Variants in BICC1 observed in about 807,000 individuals in gnomAD.
The protein encoded by BICC1 is protein bicaudal C homolog 1.
A neutral mutation model predicts 111.0 loss-of-function variants in BICC1; 43 were observed. The observed-to-expected ratio is 0.39, with a 90% CI of 0.30 to 0.50. The LOEUF (loss-of-function observed/expected upper bound fraction) is 0.50, where lower values mean the gene tolerates loss of function less well. Ranked by LOEUF, BICC1 falls within the 20% of genes least tolerant of loss-of-function variation. BICC1 has a pLI of 0.88. For synonymous variants in BICC1, 467 were observed against 434.4 expected (o/e 1.07, Z -0.93); for missense variants, 1,091 against 1,203.2 (o/e 0.91, Z 1.38).
chr10:58,551,956 G>GT (rs35454963), intron 1 of BICC1, among the ~76,000 whole-genome samples: 68 of 112,812 alleles, frequency 6.0e-4, no homozygotes, highest in African/African-American at 2.1e-3. Context: ...ATAAAGACAA[G>GT]TTTTTTTTGG....
intron 3 of BICC1, among the ~76,000 whole-genome samples, chr10:58,763,366 A>G (rs1413478525): frequency 6.6e-6 from 1 of 152,222 alleles, no homozygotes. Flanking sequence ...GAGTATAGCC[A>G]TAGCCCTGAG....
At position 58,822,854 on chromosome 10, in the gene BICC1, A is replaced by G. The variant is rs932072536; in HGVS notation, c.2794+2386A>G. Among the ~76,000 whole-genome samples, 54 of 152,092 alleles carry G rather than the reference A, an allele frequency of 3.6e-4. 1 individual carries two copies. Among genetic ancestry groups the G allele is most frequent in the African/African-American group, 1.3e-3 (52 of 41,426 alleles). ...GGCAGTCTGAACTCACATTTGTCTT[A>G]TGGTTATAGATTGGTTAGGTCCAGA... On this transcript the variant is annotated intron_variant, in intron 20 of 20. Transcript: ENST00000373886.
chr10:58,518,870 T>A (rs1386254570), intron 1 of BICC1, among the ~76,000 whole-genome samples: 3 of 152,160 alleles, frequency 2.0e-5, no homozygotes, highest in Non-Finnish European at 2.9e-5. Context: ...CTCACGGGCA[T>A]GGAGCAAGCA....
chr10:58,775,707 G>A (rs1842732835), intron 3 of BICC1, among the ~76,000 whole-genome samples: 1 of 152,208 alleles, frequency 6.6e-6, no homozygotes, highest in South Asian at 2.1e-4. Flanking sequence ...TATTGTGCCA[G>A]TATATGTGGC....
intron 3 of BICC1, among the ~76,000 whole-genome samples, chr10:58,729,794 A>G (rs929385877): frequency 6.6e-6 from 1 of 152,182 alleles, no homozygotes; most frequent in Non-Finnish European, 1.5e-5. Context: ...TTCACTCACT[A>G]TTGTGACGAC....
intron 3 of BICC1, among the ~76,000 whole-genome samples, chr10:58,718,782 G>A (rs1205763684): frequency 1.4e-4 from 20 of 147,284 alleles, no homozygotes; most frequent in South Asian, 6.2e-4. Flanking sequence ...GCGCGTGCGC[G>A]CGTGCGCACG....
intron 20 of BICC1, chr10:58,823,426 C>A (rs1844307852): frequency 4.1e-6 from 4 of 983,658 alleles, no homozygotes; most frequent in African/African-American, 1.7e-5. Flanking sequence ...ACCTTGATAA[C>A]CTCTCTGGAA....
intron 3 of BICC1, among the ~76,000 whole-genome samples, chr10:58,746,211 C>T (rs1466629105): frequency 2.6e-5 from 4 of 152,090 alleles, no homozygotes; most frequent in African/African-American, 9.7e-5. Context: ...CCTACTGAAA[C>T]TTTATTTTGC....
At chr10:58,749,426 TATTC>T (rs1218620465) in intron 3 of BICC1, among the ~76,000 whole-genome samples, 4 of 152,184 alleles carry the variant, frequency 2.6e-5, no homozygotes, top group African/African-American at 9.7e-5. Context: ...TTCATATTGA[TATTC>T]AGTCTGTCTC....
rs369676894 is a variant in BICC1, at chr10:58,648,587, C to G, written c.237+27686C>G. ...GGGAACAATGGTATGTTTAGTGCCT[C>G]TCTCTCTCTCTTTCTCTCTCTCTTT... is the stretch of plus-strand genomic sequence containing the variant. On this transcript the variant is annotated intron_variant, in intron 2 of 20. Transcript: ENST00000373886. 4.0e-5 allele frequency: 39 copies of G among 983,372 alleles called. No individual in the cohort carries two copies. The East Asian group carries it at 1.7e-3, about 43-fold the overall frequency. The allele number at this position is 983,372 out of a possible 1,614,324, so 60.9% of individuals were successfully genotyped here.
At chr10:58,614,971 C>T (rs1313077745) in intron 1 of BICC1, among the ~76,000 whole-genome samples, 1 of 151,794 alleles carries the variant, frequency 6.6e-6, no homozygotes, top group Non-Finnish European at 1.5e-5. Context: ...ATCTCCATGT[C>T]CTTATCTGCT....
chr10:58,635,977 A>G (rs1837941641), intron 2 of BICC1, among the ~76,000 whole-genome samples: 1 of 151,982 alleles, frequency 6.6e-6, no homozygotes, highest in South Asian at 2.1e-4. Context: ...CTTTGTTTGG[A>G]TTTTCTTAGA....
At chr10:58,781,747 A>G (rs1362412199) in intron 3 of BICC1, among the ~76,000 whole-genome samples, 1 of 152,236 alleles carries the variant, frequency 6.6e-6, no homozygotes, top group East Asian at 1.9e-4. Context: ...GTTAACAGTC[A>G]TTGAAAAACA....
intron 1 of BICC1, among the ~76,000 whole-genome samples, chr10:58,611,814 A>G (rs1431257132): frequency 6.6e-6 from 1 of 152,168 alleles, no homozygotes; most frequent in African/African-American, 2.4e-5. Context: ...TATACTTTAA[A>G]AAACCAAGTT....
intron 1 of BICC1, among the ~76,000 whole-genome samples, chr10:58,577,038 A>G (rs539571928): frequency 6.6e-6 from 1 of 152,282 alleles, no homozygotes; most frequent in East Asian, 1.9e-4. Flanking sequence ...CCAGAGGCAG[A>G]GGGGGCTCTC....
At chr10:58,755,953 C>T (rs950785696) in intron 3 of BICC1, among the ~76,000 whole-genome samples, 9 of 152,148 alleles carry the variant, frequency 5.9e-5, no homozygotes, top group East Asian at 3.9e-4. Context: ...TCTGCTCCTG[C>T]GTGTTCTATG....
intron 1 of BICC1, among the ~76,000 whole-genome samples, chr10:58,531,956 G>A (rs1425721807): frequency 2.8e-4 from 43 of 151,742 alleles, no homozygotes; most frequent in Admixed American, 2.8e-3. Flanking sequence ...ATCAATATAT[G>A]CATTACATGA....
chr10:58,523,993 G>A lies in BICC1; in HGVS notation c.190+10660G>A, dbSNP rs200247035. Among the ~76,000 whole-genome samples, 204 of 152,090 alleles carry A rather than the reference G, an allele frequency of 1.3e-3. 5 individuals are homozygous for A. The East Asian group carries it at 0.035, about 26-fold the overall frequency. On this transcript the variant is annotated intron_variant, in intron 1 of 20. Transcript: ENST00000373886. ...AAATACCTAGGAATCCAACGTACAAGGGATGTGAAGGACCTCTTCAAGGAG... is the reference window on the plus strand; with the variant it reads ...AAATACCTAGGAATCCAACGTACAAAGGATGTGAAGGACCTCTTCAAGGAG...
In BICC1 at chr10:58,620,868, G is replaced by A. The variant is rs1355282677; in HGVS notation, c.204G>A (p.Gly68=). ...TTTTATTTACAGCTGCTGCTGAAGG[G>A]AAAGGCAGAAGTGGGGAAGACTTTT... ...LEAMLQAAAE[G]KGRSGEDFFQ... Residue 68 remains glycine, a synonymous_variant, in exon 2 of 21, where the codon GGG becomes GGA. Transcript: ENST00000373886. 3 of 1,613,510 alleles carry A rather than the reference G, an allele frequency of 1.9e-6. No individual in the cohort carries two copies. Among genetic ancestry groups the A allele is most frequent in the East Asian group, 2.2e-5 (1 of 44,860 alleles).
Sources: gnomAD v4.1 joint callset for allele counts (sites outside exome capture counted in the v4.1 genomes callset) on GRCh38, gnomAD v4.1.1 for gene constraint, MANE v1.5 for transcripts, NCBI Gene and HGNC (gene_info 2026-07-23, HGNC 2026-07-21) for gene names.